COL19A1: variants seen among roughly 807,000 people sequenced by gnomAD.
COL19A1 encodes the protein collagen type XIX alpha 1 chain.
A neutral mutation model predicts 190.2 loss-of-function variants in COL19A1; 159 were observed. The ratio of observed to expected loss-of-function variants is 0.84; its 90% CI spans 0.73 to 0.95. COL19A1 has a LOEUF of 0.95. Ranked by LOEUF, COL19A1 falls within the 40% of genes least tolerant of loss-of-function variation. COL19A1 has a pLI of 0.00. For synonymous variants in COL19A1, 509 were observed against 458.9 expected (o/e 1.11, Z -1.39); for missense variants, 1,418 against 1,431.9 (o/e 0.99, Z 0.16).
chr6:69,984,008 G>T (rs182043884), intron 11 of COL19A1, among the ~76,000 whole-genome samples: 2 of 152,208 alleles, frequency 1.3e-5, no homozygotes, highest in African/African-American at 4.8e-5. Context: ...TTTCCAGAAG[G>T]AGTATGTGTA....
intron 11 of COL19A1, among the ~76,000 whole-genome samples, chr6:69,971,231 CATA>C (rs1234106437): frequency 2.0e-5 from 3 of 152,174 alleles, no homozygotes; most frequent in African/African-American, 4.8e-5. Flanking sequence ...TTAATGATTG[CATA>C]ATATTTCACT....
intron 25 of COL19A1, among the ~76,000 whole-genome samples, chr6:70,146,193 C>T (rs1172785492): frequency 1.3e-5 from 2 of 152,030 alleles, no homozygotes; most frequent in Non-Finnish European, 2.9e-5. Context: ...AAAACATAAA[C>T]GTTCCTAGGG....
At chr6:70,202,064 C>T (rs1302699236) in intron 49 of COL19A1, among the ~76,000 whole-genome samples, 5 of 152,154 alleles carry the variant, frequency 3.3e-5, no homozygotes, top group Non-Finnish European at 5.9e-5. Context: ...ACGCAAACCT[C>T]GGATGCTGTT....
chr6:69,876,924 T>C (rs1934897), intron 1 of COL19A1, among the ~76,000 whole-genome samples: 70,884 of 152,092 alleles, frequency 0.47, 16,896 homozygotes, highest in Middle Eastern at 0.56. Context: ...ATATTTAGAA[T>C]GACACATACA....
chr6:69,982,688 C>T (rs991307501), intron 11 of COL19A1, among the ~76,000 whole-genome samples: 3 of 148,546 alleles, frequency 2.0e-5, no homozygotes, highest in African/African-American at 7.8e-5. Context: ...AATCAACATG[C>T]CCGGCCAGGA....
In COL19A1 at chr6:70,207,339, T is replaced by G; in HGVS notation, c.*65T>G. The G allele has an allele frequency of 1.8e-6, 2 of 1,139,062 alleles. No individual in the cohort carries two copies. The highest frequency in any genetic ancestry group is 2.4e-6 in the Non-Finnish European group (2 of 835,860). The allele number at this position is 1,139,062 out of a possible 1,614,324, so 70.6% of individuals were successfully genotyped here. A position where few individuals can be genotyped will look rare whatever the true frequency, so the allele number is the denominator to read the frequency against. On this transcript the variant is annotated 3_prime_UTR_variant, in exon 51 of 51. Coordinates refer to ENST00000620364, the MANE Select transcript of COL19A1 (RefSeq NM_001858.6). Reference sequence around the variant, plus strand: ...TGCCACTGGAGCTCTCTTAATACCGTCAAACCCTCATCATCTGTGGGTTGC... The same window carrying G: ...TGCCACTGGAGCTCTCTTAATACCGGCAAACCCTCATCATCTGTGGGTTGC...
chr6:70,034,476 G>T (rs1779238458), intron 13 of COL19A1, among the ~76,000 whole-genome samples, 178 bp downstream of exon 13: 1 of 152,152 alleles, frequency 6.6e-6, no homozygotes, highest in African/African-American at 2.4e-5. Flanking sequence ...AGTTTGAAAA[G>T]ACTAAATGCA....
chr6:69,916,290 C>T (rs1476979441), intron 4 of COL19A1, among the ~76,000 whole-genome samples: 1 of 152,018 alleles, frequency 6.6e-6, no homozygotes, highest in African/African-American at 2.4e-5. Context: ...ACATGTTTAC[C>T]TATGTAACAA....
intron 14 of COL19A1, 87 bp from the exon 15 acceptor site, chr6:70,068,336 C>A: frequency 1.1e-6 from 1 of 927,212 alleles, no homozygotes; most frequent in Non-Finnish European, 1.8e-6. Context: ...TTTTAATCAA[C>A]AAAATAATTA....
At chr6:70,070,503 T>C (rs1177064995) in intron 15 of COL19A1, among the ~76,000 whole-genome samples, 3 of 152,144 alleles carry the variant, frequency 2.0e-5, no homozygotes. Context: ...CCAAATGCCC[T>C]ATTTATCAAA....
chr6:70,131,691 C>A (rs562526035), intron 18 of COL19A1, among the ~76,000 whole-genome samples: 2 of 152,260 alleles, frequency 1.3e-5, no homozygotes, highest in African/African-American at 4.8e-5. Flanking sequence ...GAAAAGAAAG[C>A]CACAAAGCTT....
At chr6:70,155,355 C>T (rs1437406544) in intron 31 of COL19A1, among the ~76,000 whole-genome samples, 1 of 152,146 alleles carries the variant, frequency 6.6e-6, no homozygotes, top group Non-Finnish European at 1.5e-5. Flanking sequence ...CTGTGCCTTT[C>T]TTGGTCATAT....
At chr6:70,148,611 G>A (rs1270302814) in intron 27 of COL19A1, among the ~76,000 whole-genome samples, 1 of 152,130 alleles carries the variant, frequency 6.6e-6, no homozygotes, top group Non-Finnish European at 1.5e-5. Context: ...TGGAAATTAA[G>A]CCAAGTAAAA....
At chr6:70,107,922 T>C (rs1003713401) in intron 16 of COL19A1, among the ~76,000 whole-genome samples, 1 of 152,156 alleles carries the variant, frequency 6.6e-6, no homozygotes, top group Non-Finnish European at 1.5e-5. Flanking sequence ...CACACTCCAA[T>C]AAAAGCTTGT....
At chr6:69,939,298 A>G (rs1419528640) in intron 9 of COL19A1, among the ~76,000 whole-genome samples, 2 of 152,164 alleles carry the variant, frequency 1.3e-5, no homozygotes, top group Non-Finnish European at 2.9e-5. Flanking sequence ...CATACAAATC[A>G]TTATACCAAT....
intron 15 of COL19A1, chr6:70,098,295 A>G: frequency 2.5e-6 from 1 of 394,628 alleles, no homozygotes; most frequent in East Asian, 6.0e-5. Context: ...AAAGTATCCT[A>G]GCTTAAGGAG....
chr6:69,959,302 A>C (rs1309876736), intron 9 of COL19A1, among the ~76,000 whole-genome samples: 3 of 152,180 alleles, frequency 2.0e-5, no homozygotes, highest in Non-Finnish European at 4.4e-5. Context: ...TATGTATTCA[A>C]AATTGATCTA....
chr6:70,016,502 G>A (rs1391433710), intron 11 of COL19A1, among the ~76,000 whole-genome samples: 2 of 146,842 alleles, frequency 1.4e-5, no homozygotes, highest in African/African-American at 2.6e-5. Flanking sequence ...ATTTGTGTAC[G>A]TTAAATATGT....
chr6:70,016,898 T>A (rs1035996126), intron 11 of COL19A1, among the ~76,000 whole-genome samples: 5 of 152,210 alleles, frequency 3.3e-5, no homozygotes, highest in Admixed American at 3.3e-4. Context: ...GGAACCCTAA[T>A]ACACTGCTGA....
Sources: gnomAD v4.1 joint callset for allele counts (sites outside exome capture counted in the v4.1 genomes callset) on GRCh38, gnomAD v4.1.1 for gene constraint, MANE v1.5 for transcripts, NCBI Gene and HGNC (gene_info 2026-07-23, HGNC 2026-07-21) for gene names.